MBTPS1: variants seen among roughly 807,000 people sequenced by gnomAD.
The protein encoded by MBTPS1 is membrane-bound transcription factor site-1 protease.
MBTPS1 carries 94 observed loss-of-function variants against 127.8 expected under a neutral mutation model. The ratio of observed to expected loss-of-function variants is 0.74; its 90% CI spans 0.62 to 0.87. The LOEUF (loss-of-function observed/expected upper bound fraction) is 0.87. Among genes scored for constraint, MBTPS1 ranks in the 40% least tolerant of loss-of-function variants. The probability of loss-of-function intolerance (pLI) is 0.00; values close to 1 mark genes in which losing one functional copy is unlikely to be tolerated. For synonymous variants in MBTPS1, 632 were observed against 509.4 expected (o/e 1.24, Z -3.24); for missense variants, 1,636 against 1,353.2 (o/e 1.21, Z -3.28).
intron 22 of MBTPS1, 90 bp downstream of exon 22, chr16:84,055,915 A>G (rs1597296227): frequency 5.7e-6 from 8 of 1,399,748 alleles, no homozygotes; most frequent in Non-Finnish European, 7.8e-6. Context: ...AGACAGGGAG[A>G]GTCTGGCCCG....
chr16:84,098,706 A>G (rs2086212884), intron 3 of MBTPS1, among the ~76,000 whole-genome samples: 1 of 152,232 alleles, frequency 6.6e-6, no homozygotes, highest in African/African-American at 2.4e-5. Flanking sequence ...GTCTTTCAGC[A>G]CGAGAAGGCG....
At chr16:84,055,863 A>G in intron 22 of MBTPS1, 142 bp downstream of exon 22, 1 of 850,334 alleles carries the variant, frequency 1.2e-6, no homozygotes, top group Non-Finnish European at 1.8e-6. Context: ...GTGCCACAAA[A>G]GAAGCCAAGA....
chr16:84,112,715 C>G (rs2086416091), intron 1 of MBTPS1, among the ~76,000 whole-genome samples: 1 of 149,562 alleles, frequency 6.7e-6, no homozygotes, highest in African/African-American at 2.5e-5. Flanking sequence ...TGGCTCACAG[C>G]TATAACCCCA....
chr16:84,102,309 C>T lies in MBTPS1; in HGVS notation c.-324-202G>A, dbSNP rs760686739. On this transcript the variant is annotated intron_variant, in intron 1 of 22. Transcript: ENST00000343411. ...CCAGCCTGAGCAACAAAGTGAGACC[C>T]TATGTCTAAAATAATAAAATAATAA... is the stretch of plus-strand genomic sequence containing the variant. 1.4e-4 allele frequency among the ~76,000 whole-genome samples: 21 copies of T among 151,902 alleles called. 1 individual carries two copies. Among genetic ancestry groups the T allele is most frequent in the Admixed American group, 7.2e-4 (11 of 15,246 alleles).
intron 1 of MBTPS1, among the ~76,000 whole-genome samples, chr16:84,113,506 C>G (rs934928530): frequency 2.6e-5 from 4 of 152,202 alleles, no homozygotes; most frequent in African/African-American, 9.7e-5. Context: ...AAGGGAGACT[C>G]AGTAGAAGAA....
At chr16:84,062,687 A>C (rs140956521) in intron 19 of MBTPS1, among the ~76,000 whole-genome samples, 4 of 152,314 alleles carry the variant, frequency 2.6e-5, no homozygotes, top group African/African-American at 7.2e-5. Flanking sequence ...TCCCCTTTAC[A>C]AAATGAGAAA....
At chr16:84,085,160 T>C (rs748348301) in intron 9 of MBTPS1, 26 bp from the exon 10 acceptor site, 6 of 1,612,122 alleles carry the variant, frequency 3.7e-6, no homozygotes, top group Admixed American at 1.7e-5. Flanking sequence ...GCTTGGTTGC[T>C]ACATCTCGCA....
At chr16:84,104,733 G>C (rs915733575) in intron 1 of MBTPS1, among the ~76,000 whole-genome samples, 6 of 152,066 alleles carry the variant, frequency 3.9e-5, no homozygotes, top group African/African-American at 1.4e-4. Flanking sequence ...GCAGGTACTT[G>C]CCTTTAAAAG....
intron 21 of MBTPS1, 124 bp from the exon 22 acceptor site, chr16:84,056,259 T>C: frequency 1.3e-6 from 1 of 766,532 alleles, no homozygotes; most frequent in African/African-American, 1.7e-5. Context: ...TGAAATGCCA[T>C]TTGCGTCCAC....
chr16:84,086,594 G>C (rs2086030789), intron 9 of MBTPS1: 1 of 152,264 alleles, frequency 6.6e-6, no homozygotes, highest in Admixed American at 6.5e-5. Context: ...ATCCTGTAAA[G>C]TGGCTACAGT....
chr16:84,108,516 C>A (rs2086356161), intron 1 of MBTPS1, among the ~76,000 whole-genome samples: 1 of 152,230 alleles, frequency 6.6e-6, no homozygotes, highest in South Asian at 2.1e-4. Flanking sequence ...CAGCACCTGC[C>A]TCAGCCTCCC....
At chr16:84,085,165 C>G (rs1246747713) in intron 9 of MBTPS1, 31 bp from the exon 10 acceptor site, 2 of 1,610,738 alleles carry the variant, frequency 1.2e-6, no homozygotes, top group South Asian at 2.2e-5. Context: ...GTTGCTACAT[C>G]TCGCACATTG....
intron 20 of MBTPS1, chr16:84,060,475 C>T (rs2085592951): frequency 5.6e-6 from 3 of 539,938 alleles, no homozygotes; most frequent in Non-Finnish European, 9.8e-6. Flanking sequence ...CACACTGGGT[C>T]CTCGATCATG....
At chr16:84,062,591 C>T (rs559609750) in intron 19 of MBTPS1, among the ~76,000 whole-genome samples, 35 of 152,308 alleles carry the variant, frequency 2.3e-4, no homozygotes, top group Admixed American at 2.1e-3. Flanking sequence ...CCCCAGTGGT[C>T]ACAGCGCATT....
intron 1 of MBTPS1, among the ~76,000 whole-genome samples, chr16:84,105,751 G>A (rs2086315033): frequency 6.6e-6 from 1 of 152,156 alleles, no homozygotes; most frequent in African/African-American, 2.4e-5. Context: ...TCCAATGGCA[G>A]TGAAGAGCAC....
At chr16:84,091,333 A>C (rs1032802136) in intron 7 of MBTPS1, among the ~76,000 whole-genome samples, 29 of 152,072 alleles carry the variant, frequency 1.9e-4, no homozygotes, top group African/African-American at 6.8e-4. Context: ...TAAAAATAGC[A>C]AAATTAGCCG....
chr16:84,060,686 C>T lies in MBTPS1; in HGVS notation c.2700G>A (p.Met900Ile), dbSNP rs2085596547. ...GCATCCTGCCCATCCACTCACCTTC[C>T]ATCCTCTCTGGAGTGACTGAGCCTG... is the stretch of plus-strand genomic sequence containing the variant. ...SGAGSVTPERMEGNHLHRYSK... is the reference protein window; with the variant it reads ...SGAGSVTPERIEGNHLHRYSK... Residue 900 changes from methionine to isoleucine, a missense_variant, in exon 20 of 23, where the codon ATG becomes ATA. Transcript: ENST00000343411. The T allele has an allele frequency of 3.1e-6, 5 of 1,613,514 alleles. No homozygotes were observed. The East Asian group carries it at 6.7e-5, about 22-fold the overall frequency.
chr16:84,089,751 T>A (rs1404963162), intron 8 of MBTPS1, among the ~76,000 whole-genome samples: 6 of 152,126 alleles, frequency 3.9e-5, no homozygotes. Flanking sequence ...ATGTCCATGC[T>A]GGAAGAGCTG....
Position 84,069,920 on chromosome 16 carries a change from G to A in MBTPS1, c.1901C>T (p.Pro634Leu). Residue 634 changes from proline to leucine, a missense_variant, in exon 14 of 23, where the codon CCA becomes CTA. Pro to Leu is a moderately conservative substitution (Grantham distance 98, BLOSUM62 -3). Coordinates refer to ENST00000343411, the MANE Select transcript of MBTPS1 (RefSeq NM_003791.4). ...LWDQYHNLRY[P>L]PGYFPRDNLR... ...ATTATCCCTGGGGAAATAGCCAGGT[G>A]GATAGCGGAGGTTGTGGTACTGATC... 6.2e-7 allele frequency: 1 copy of A among 1,614,130 alleles called. No homozygotes were observed. The highest frequency in any genetic ancestry group is 1.1e-5 in the South Asian group (1 of 91,076).
Sources: allele counts gnomAD v4.1 joint callset (sites outside exome capture counted in the v4.1 genomes callset), GRCh38; gene constraint gnomAD v4.1.1; transcripts MANE v1.5; gene names NCBI Gene and HGNC (gene_info 2026-07-23, HGNC 2026-07-21).